The following VCP variants were observed in gnomAD, a reference collection of about 807,000 sequenced individuals.
The protein encoded by VCP is transitional endoplasmic reticulum ATPase.
Under a neutral mutation model 85.7 loss-of-function variants are expected in VCP, and 6 were observed. That is an observed-to-expected ratio of 0.07 (90% CI 0.04 to 0.14). The LOEUF is 0.14. VCP is among the 10% of genes least tolerant of loss of function. The pLI, the probability that VCP is intolerant of heterozygous loss-of-function variation, is 1.00. For missense variants in VCP, 353 were observed against 1,043.4 expected (o/e 0.34, Z 9.12); for synonymous variants, 384 against 367.1 (o/e 1.05, Z -0.53).
At chr9:35,068,787 G>A (rs1828883572) in intron 1 of VCP, among the ~76,000 whole-genome samples, 1 of 152,090 alleles carries the variant, frequency 6.6e-6, no homozygotes, top group Non-Finnish European at 1.5e-5. Context: ...TTGTGATCTT[G>A]GGCAAGTTAC....
At chr9:35,069,518 T>C (rs1428851320) in intron 1 of VCP, among the ~76,000 whole-genome samples, 1 of 148,316 alleles carries the variant, frequency 6.7e-6, no homozygotes, top group Admixed American at 6.9e-5. Flanking sequence ...AATGCTGCGA[T>C]CTCAGCTAAC....
rs201410035 is a variant in VCP at position 35,059,622 on chromosome 9, C to A, written c.1875G>T (p.Arg625=). ...KNVFIIGATN[R]PDIIDPAILR... is the part of the protein sequence containing the mutation. ...GGATGGCAGGATCAATGATGTCAGG[C>A]CGGTTGGTAGCGCCAATGATGAACA... The change falls in exon 14 of 17, where the codon CGG becomes CGT. Residue 625 remains arginine, a synonymous_variant. Transcript: ENST00000358901. This position sits in a 1 kb window ranked among gnomAD's most constrained non-coding sequence, Gnocchi z 4.9. The A allele has an allele frequency of 6.4e-5, 103 of 1,614,152 alleles. No homozygotes were observed. In the East Asian group the frequency reaches 1.6e-3, roughly 25 times the overall value.
Position 35,056,934 on chromosome 9 carries a change from G to A in VCP, c.*183C>T, listed in dbSNP as rs1828619002. 6.2e-6 allele frequency: 4 copies of A among 648,174 alleles called. No homozygotes were observed. Among genetic ancestry groups the A allele is most frequent in the Non-Finnish European group, 1.1e-5 (4 of 365,410 alleles). 40.2% of individuals were successfully genotyped at this position (648,174 alleles called of 1,614,324 possible). A position where few individuals can be genotyped will look rare whatever the true frequency, so the allele number is the denominator to read the frequency against. Reference sequence around the variant, plus strand: ...AAATGAAAATCGCTTTTATTTTATCGCTTTTGTTTTGTATTTTTGCAACAG... The same window carrying A: ...AAATGAAAATCGCTTTTATTTTATCACTTTTGTTTTGTATTTTTGCAACAG... On this transcript the variant is annotated 3_prime_UTR_variant, in exon 17 of 17. Transcript: ENST00000358901.
chr9:35,068,357 T>C lies in VCP; in HGVS notation c.23A>G (p.Lys8Arg). MASGADS[K>R]GDDLSTAILK... The stretch of plus-strand genomic sequence containing the variant: ...AATGGCTGTTGATAGGTCATCACCT[T>C]TTGAACTAGAAGGAGGAAATGGAGT... Residue 8 changes from lysine (K) to arginine (R), a missense_variant, in exon 2 of 17, where the codon AAA (lysine) becomes AGA (arginine). Coordinates refer to ENST00000358901, the MANE Select transcript of VCP (RefSeq NM_007126.5). 6.2e-7 allele frequency: 1 copy of C among 1,614,072 alleles called. No homozygotes were observed. The highest frequency in any genetic ancestry group is 8.5e-7 in the Non-Finnish European group (1 of 1,179,976).
chr9:35,057,450 G>C lies in VCP; in HGVS notation c.2241C>G (p.Val747=). 1 of 1,614,226 alleles carries C rather than the reference G, an allele frequency of 6.2e-7. No homozygotes were observed. Among genetic ancestry groups the C allele is most frequent in the South Asian group, 1.1e-5 (1 of 91,088 alleles). ...EEAMRFARRS[V]SDNDIRKYEM... Reference sequence around the variant, plus strand: ...CATACTTCCGAATGTCATTGTCACTGACAGAACGGCGCGCAAAGCGCATGG... The same window carrying C: ...CATACTTCCGAATGTCATTGTCACTCACAGAACGGCGCGCAAAGCGCATGG... Residue 747 remains valine, a synonymous_variant, in exon 16 of 17, where the codon GTC becomes GTG. Transcript: ENST00000358901.
chr9:35,064,007 T>C, intron 6 of VCP, 147 bp downstream of exon 6: 1 of 1,346,704 alleles, frequency 7.4e-7, no homozygotes, highest in South Asian at 1.2e-5. Flanking sequence ...ATTTAGAGCC[T>C]TAGGTAAACT....
rs199504528 is a variant in VCP at position 35,062,238 on chromosome 9, G to A, written c.924C>T (p.Ala308=). Residue 308 remains alanine, a synonymous_variant, in exon 8 of 17, where the codon GCC becomes GCT. Transcript: ENST00000358901. ...PAIIFIDELD[A]IAPKREKTHG... ...CTACTTTCTCTCTTTTGGGAGCGAT[G>A]GCATCTAGCTCATCAATGAAGATGA... 3.3e-5 allele frequency: 53 copies of A among 1,614,114 alleles called. No homozygotes were observed. The African/African-American group carries it at 5.9e-4, about 18-fold the overall frequency.
Position 35,057,512 on chromosome 9 carries a change from G to T in VCP, c.2179C>A (p.Pro727Thr). The T allele has an allele frequency of 3.7e-6, 6 of 1,611,672 alleles. No homozygotes were observed. Among genetic ancestry groups the T allele is most frequent in the Non-Finnish European group, 5.1e-6 (6 of 1,180,032 alleles). ...TGATCTCGACGGATCTCAGGCACTG[G>T]ATCATCCTCTTCTACCTCCTATAGT... Reference protein sequence around the residue: ...PSAMEVEEDDPVPEIRRDHFE... With the variant: ...PSAMEVEEDDTVPEIRRDHFE... The change falls in exon 16 of 17, where the codon CCA becomes ACA. Residue 727 changes from proline to threonine, a missense_variant. Pro to Thr is a conservative substitution (Grantham distance 38). This residue lies in a region of VCP where 93 missense variants were observed against 197.1 expected (regional missense o/e 0.47). Coordinates refer to ENST00000358901, the MANE Select transcript of VCP (RefSeq NM_007126.5).
chr9:35,065,473 C>T (rs1828810743), intron 4 of VCP, 92 bp from the exon 5 acceptor site: 1 of 1,552,372 alleles, frequency 6.4e-7, no homozygotes, highest in African/African-American at 1.4e-5. Flanking sequence ...ATGCCAAGCT[C>T]ATTAGATAGT....
intron 10 of VCP, 46 bp from the exon 11 acceptor site, chr9:35,061,225 G>A (rs1828714941): frequency 6.2e-7 from 1 of 1,610,798 alleles, no homozygotes; most frequent in Non-Finnish European, 8.5e-7. Flanking sequence ...AGACCCAGCT[G>A]CTGCAGGAGG....
In VCP at chr9:35,058,921, A is replaced by C. The variant is rs1027019348; in HGVS notation, c.2160+143T>G. On this transcript the variant is annotated intron_variant, in intron 15 of 16. Coordinates refer to ENST00000358901, the MANE Select transcript of VCP (RefSeq NM_007126.5). Reference sequence around the variant, plus strand: ...CCAAATTGAATGGATTCACCTCAGCATTCTTTATCTTTGATGCCCTATTAA... The same window carrying C: ...CCAAATTGAATGGATTCACCTCAGCCTTCTTTATCTTTGATGCCCTATTAA... The C allele has an allele frequency of 1.3e-5, 15 of 1,155,322 alleles. No homozygotes were observed. In the African/African-American group the frequency reaches 2.0e-4, roughly 15 times the overall value. 71.6% of individuals were successfully genotyped at this position (1,155,322 alleles called of 1,614,324 possible). A position where few individuals can be genotyped will look rare whatever the true frequency, so the allele number is the denominator to read the frequency against.
intron 7 of VCP, 31 bp from the exon 8 acceptor site, chr9:35,062,381 A>G: frequency 6.2e-7 from 1 of 1,613,934 alleles, no homozygotes; most frequent in Non-Finnish European, 8.5e-7. Context: ...GACAATAACA[A>G]AATGATAGTC....
rs1164461795 is a variant in VCP, at chr9:35,064,342, T to C, written c.577-57A>G. 7.5e-6 allele frequency: 12 copies of C among 1,606,082 alleles called. No individual in the cohort carries two copies. The East Asian group carries it at 2.5e-4, about 33-fold the overall frequency. On this transcript the variant is annotated intron_variant, in intron 5 of 16. Coordinates refer to ENST00000358901, the MANE Select transcript of VCP (RefSeq NM_007126.5). Reference sequence around the variant, plus strand: ...GCAAGAATATTATATCAGCAAAAGCTGAGTTTCTCTAAATCATTCCACTAC... The same window carrying C: ...GCAAGAATATTATATCAGCAAAAGCCGAGTTTCTCTAAATCATTCCACTAC...
rs1384573651 is a variant in VCP, at chr9:35,061,075, C to T, written c.1299G>A (p.Glu433=). Residue 433 remains glutamate, a synonymous_variant, in exon 11 of 17, where the codon GAG becomes GAA. Transcript: ENST00000358901. ...IRKKMDLIDL[E]DETIDAEVMN... is the part of the protein sequence containing the mutation. Reference sequence around the variant, plus strand: ...TGACCTCGGCATCAATGGTCTCATCCTCTAGGTCAATGAGATCCATCTTCT... The same window carrying T: ...TGACCTCGGCATCAATGGTCTCATCTTCTAGGTCAATGAGATCCATCTTCT... 5 of 1,614,054 alleles carry T rather than the reference C, an allele frequency of 3.1e-6. 1 individual carries two copies. In the South Asian group the frequency reaches 4.4e-5, roughly 14 times the overall value.
At position 35,067,894 on chromosome 9, in the gene VCP, A is replaced by G; in HGVS notation, c.299T>C (p.Ile100Thr). ...NNLRVRLGDV[I>T]SIQPCPDVKY... Reference sequence around the variant, plus strand: ...AAGCCAAAAACCCCACACACACCTGATGACATCCCCTAGGCGTACACGAAG... The same window carrying G: ...AAGCCAAAAACCCCACACACACCTGGTGACATCCCCTAGGCGTACACGAAG... The change falls in exon 3 of 17, where the codon ATC (isoleucine) becomes ACC (threonine). Residue 100 changes from isoleucine (I) to threonine (T), a missense_variant. Ile to Thr is a moderately conservative substitution (Grantham distance 89). Around this residue, in one of 8 missense-constraint regions of VCP, gnomAD observed 69 missense variants for 132.9 expected, o/e 0.52. Coordinates refer to ENST00000358901, the MANE Select transcript of VCP (RefSeq NM_007126.5). 1 of 1,614,204 alleles carries G rather than the reference A, an allele frequency of 6.2e-7. No homozygotes were observed. Among genetic ancestry groups the G allele is most frequent in the Non-Finnish European group, 8.5e-7 (1 of 1,180,036 alleles).
chr9:35,063,452 GTCTATTT>G (rs759633658), intron 6 of VCP, among the ~76,000 whole-genome samples: 20 of 152,310 alleles, frequency 1.3e-4, no homozygotes, highest in Non-Finnish European at 2.2e-4. Flanking sequence ...AGAGAGCAGG[GTCTATTT>G]TCTTCATTGC....
At position 35,059,930 on chromosome 9, in the gene VCP, C is replaced by A; in HGVS notation, c.1696-129G>T. 8.3e-7 allele frequency: 1 copy of A among 1,205,646 alleles called. No homozygotes were observed. The highest frequency in any genetic ancestry group is 1.2e-6 in the Non-Finnish European group (1 of 838,112). The allele number at this position is 1,205,646 out of a possible 1,614,324, so 74.7% of individuals were successfully genotyped here. A position where few individuals can be genotyped will look rare whatever the true frequency, so the allele number is the denominator to read the frequency against. ...GGAGGATCACTTGAGGCCAGAAATC[C>A]GAAACCAGCATGGGCAACATACTGA... On this transcript the variant is annotated intron_variant, in intron 13 of 16. Coordinates refer to ENST00000358901, the MANE Select transcript of VCP (RefSeq NM_007126.5). This position sits in a 1 kb window ranked among gnomAD's most constrained non-coding sequence, Gnocchi z 4.9.
Position 35,060,544 on chromosome 9 carries a change from A to C in VCP, c.1483-19T>G. On this transcript the variant is annotated intron_variant, in intron 12 of 16. Coordinates refer to ENST00000358901, the MANE Select transcript of VCP (RefSeq NM_007126.5). ...CAGGATACTAGGAGGAAAAGGAAAG[A>C]GGGTTCAAGGCTACCTCCACATTTT... 1 of 1,612,024 alleles carries C rather than the reference A, an allele frequency of 6.2e-7. No individual in the cohort carries two copies. Among genetic ancestry groups the C allele is most frequent in the South Asian group, 1.1e-5 (1 of 91,026 alleles).
intron 15 of VCP, 110 bp downstream of exon 15, chr9:35,058,952 TTC>T (rs1456459614): frequency 1.0e-5 from 15 of 1,459,746 alleles, no homozygotes; most frequent in Admixed American, 6.7e-5. Flanking sequence ...ATTAAAATTC[TTC>T]TCAGTTAGAT....
Sources: allele counts gnomAD v4.1 joint callset (sites outside exome capture counted in the v4.1 genomes callset), GRCh38; gene constraint gnomAD v4.1.1; regional missense constraint gnomAD v4.1.1; non-coding constraint Gnocchi (gnomAD v3.1); transcripts MANE v1.5; gene names NCBI Gene and HGNC (gene_info 2026-07-23, HGNC 2026-07-21).